The following FBXO11 variants were observed in gnomAD, a reference collection of about 807,000 sequenced individuals.
FBXO11 encodes F-box only protein 11.
In FBXO11, 13 loss-of-function variants were observed where a neutral mutation model predicts 117.0. The ratio of observed to expected loss-of-function variants is 0.11; its 90% CI spans 0.07 to 0.18. The LOEUF (loss-of-function observed/expected upper bound fraction) is 0.18. Ranked by LOEUF, FBXO11 falls within the 10% of genes least tolerant of loss-of-function variation. FBXO11 has a pLI of 1.00. For missense variants in FBXO11, 767 were observed against 1,164.4 expected (o/e 0.66, Z 4.97); for synonymous variants, 490 against 380.5 (o/e 1.29, Z -3.35).
Position 47,834,878 on chromosome 2 carries a change from T to C in FBXO11, c.718-7A>G, listed in dbSNP as rs757782909. On this transcript the variant is annotated splice_polypyrimidine_tract_variant and splice_region_variant and intron_variant, in intron 5 of 22. Transcript: ENST00000403359. Reference sequence around the variant, plus strand: ...TTACATGTGCACCTTTATACTAAAATGTCAAAAACAAAACAAAACCATTGA... The same window carrying C: ...TTACATGTGCACCTTTATACTAAAACGTCAAAAACAAAACAAAACCATTGA... 3 of 1,606,480 alleles carry C rather than the reference T, an allele frequency of 1.9e-6. No individual in the cohort carries two copies. Among genetic ancestry groups the C allele is most frequent in the Non-Finnish European group, 2.6e-6 (3 of 1,176,026 alleles).
chr2:47,839,336 T>G (rs1388865950), intron 3 of FBXO11, 83 bp downstream of exon 3: 21 of 1,264,298 alleles, frequency 1.7e-5, no homozygotes, highest in Non-Finnish European at 2.3e-5. Flanking sequence ...AATACTCGAA[T>G]ACACTTAATT....
At position 47,808,051 on chromosome 2, in the gene FBXO11, C is replaced by A; in HGVS notation, c.*67G>T. ...TGTAGCATGGGCAAATATTTTAAAT[C>A]TTCTTCCAAAAAAGTGTTTTAAGTT... is the stretch of plus-strand genomic sequence containing the variant. On this transcript the variant is annotated 3_prime_UTR_variant, in exon 23 of 23. Transcript: ENST00000403359. 2 of 1,400,438 alleles carry A rather than the reference C, an allele frequency of 1.4e-6. No individual in the cohort carries two copies. The highest frequency in any genetic ancestry group is 2.0e-6 in the Non-Finnish European group (2 of 1,017,858). The allele number at this position is 1,400,438 out of a possible 1,614,324, so 86.8% of individuals were successfully genotyped here.
Position 47,833,067 on chromosome 2 carries a change from G to C in FBXO11, c.938C>G (p.Pro313Arg). 6.2e-7 allele frequency: 1 copy of C among 1,604,766 alleles called. No individual in the cohort carries two copies. Among genetic ancestry groups the C allele is most frequent in the South Asian group, 1.1e-5 (1 of 90,880 alleles). Residue 313 changes from proline to arginine, a missense_variant, in exon 8 of 23, where the codon CCT (proline) becomes CGT (arginine). By Grantham distance (103) the Pro-to-Arg change is moderately radical. Coordinates refer to ENST00000403359, the MANE Select transcript of FBXO11 (RefSeq NM_001190274.2). ...TATAACTTTGTCTGCCACTTTCCCA[G>C]GTGCTGTGGAGAAGATATTTTAAAG... ...ESPITMIGAA[P>R]GKVADKVIIE...
intron 8 of FBXO11, 31 bp from the exon 9 acceptor site, chr2:47,832,911 C>T (rs1672295282): frequency 6.2e-7 from 1 of 1,606,418 alleles, no homozygotes; most frequent in Non-Finnish European, 8.5e-7. Context: ...TTGAAATAAA[C>T]AATTACTGCC....
At chr2:47,854,627 C>T (rs1674128036) in intron 1 of FBXO11, among the ~76,000 whole-genome samples, 1 of 152,060 alleles carries the variant, frequency 6.6e-6, no homozygotes, top group Non-Finnish European at 1.5e-5. Flanking sequence ...CAGCGGTTCT[C>T]AAAGCATAAA....
chr2:47,812,917 T>C, intron 18 of FBXO11: 1 of 301,852 alleles, frequency 3.3e-6, no homozygotes, highest in South Asian at 3.5e-5. Flanking sequence ...CACATCTATT[T>C]CTATAACTTG....
At chr2:47,853,856 C>T (rs757880604) in intron 1 of FBXO11, among the ~76,000 whole-genome samples, 13 of 152,142 alleles carry the variant, frequency 8.5e-5, no homozygotes, top group Non-Finnish European at 1.2e-4. Context: ...AAAAAGTTAT[C>T]CAATTTCATC....
At chr2:47,885,290 GC>G (rs1046537840) in intron 1 of FBXO11, among the ~76,000 whole-genome samples, 4 of 152,158 alleles carry the variant, frequency 2.6e-5, no homozygotes, top group African/African-American at 7.2e-5. Flanking sequence ...ACGGCATATG[GC>G]TCACTCAAGA....
intron 11 of FBXO11, among the ~76,000 whole-genome samples, chr2:47,829,528 C>A (rs1223603710): frequency 6.6e-6 from 1 of 152,148 alleles, no homozygotes; most frequent in Non-Finnish European, 1.5e-5. Context: ...GCATGAGCCA[C>A]CACACCTGGC....
chr2:47,901,195 ATG>A (rs1284949915), intron 1 of FBXO11, among the ~76,000 whole-genome samples: 3 of 147,638 alleles, frequency 2.0e-5, no homozygotes, highest in East Asian at 2.0e-4. Flanking sequence ...GTACATATAT[ATG>A]TGTGTCATAG....
intron 1 of FBXO11, among the ~76,000 whole-genome samples, chr2:47,851,551 T>C (rs1157519114): frequency 6.6e-6 from 1 of 152,078 alleles, no homozygotes; most frequent in Non-Finnish European, 1.5e-5. Context: ...TGTTTGCTAG[T>C]CATTGTGAAT....
In FBXO11 at chr2:47,905,556, C is replaced by T; in HGVS notation, c.165G>A (p.Gln55=). ...GCGGCGGTGGCGGCGGCGGAGGCTG[C>T]TGCTGCTGCTGCTGCTGCGGCGGCG... ...PPPPPQQQQQ[Q]QPPPPPPPPP... is the part of the protein sequence containing the mutation. Residue 55 remains glutamine (Q), a synonymous_variant, in exon 1 of 23, where the codon CAG becomes CAA. Coordinates refer to ENST00000403359, the MANE Select transcript of FBXO11 (RefSeq NM_001190274.2). 2 of 1,244,310 alleles carry T rather than the reference C, an allele frequency of 1.6e-6. No individual in the cohort carries two copies. Among genetic ancestry groups the T allele is most frequent in the Non-Finnish European group, 1.0e-6 (1 of 996,768 alleles). The allele number at this position is 1,244,310 out of a possible 1,614,324, so 77.1% of individuals were successfully genotyped here.
chr2:47,860,217 ATAGT>A (rs1235507380), intron 1 of FBXO11, among the ~76,000 whole-genome samples: 3 of 152,108 alleles, frequency 2.0e-5, no homozygotes, highest in African/African-American at 7.2e-5. Flanking sequence ...TTTATTCCAA[ATAGT>A]TAAACTACTC....
chr2:47,846,702 T>G (rs1451869795), intron 1 of FBXO11, among the ~76,000 whole-genome samples: 1 of 152,090 alleles, frequency 6.6e-6, no homozygotes, highest in Non-Finnish European at 1.5e-5. Context: ...AATAAAACAG[T>G]GAAATTTTAA....
chr2:47,809,335 G>A, intron 20 of FBXO11, 69 bp from the exon 21 acceptor site: 1 of 1,021,092 alleles, frequency 9.8e-7, no homozygotes, highest in Non-Finnish European at 1.4e-6. Flanking sequence ...AAGATTATAG[G>A]ATTATTCTAA....
chr2:47,822,427 T>G (rs1671457819), intron 12 of FBXO11, 124 bp from the exon 13 acceptor site: 1 of 603,070 alleles, frequency 1.7e-6, no homozygotes, highest in Non-Finnish European at 2.9e-6. Context: ...CCTCAATTTC[T>G]TCATTATTTC....
chr2:47,822,067 G>GA (rs1376933792), intron 13 of FBXO11, 151 bp downstream of exon 13: 14 of 609,486 alleles, frequency 2.3e-5, no homozygotes, highest in Non-Finnish European at 4.0e-5. Context: ...GTCTGCACAA[G>GA]AGAGTAAGAC....
chr2:47,888,055 T>C (rs760387485), intron 1 of FBXO11, among the ~76,000 whole-genome samples: 15 of 152,038 alleles, frequency 9.9e-5, no homozygotes, highest in Middle Eastern at 3.4e-3. Flanking sequence ...TATATATATA[T>C]GTATGTATTC....
chr2:47,844,861 T>C (rs959327506), intron 1 of FBXO11, among the ~76,000 whole-genome samples: 1 of 152,108 alleles, frequency 6.6e-6, no homozygotes, highest in Non-Finnish European at 1.5e-5. Flanking sequence ...GGTCTCAAAC[T>C]CCTGAGCTCA....
Sources: gnomAD v4.1 joint callset for allele counts (sites outside exome capture counted in the v4.1 genomes callset) on GRCh38, gnomAD v4.1.1 for gene constraint, MANE v1.5 for transcripts, NCBI Gene and HGNC (gene_info 2026-07-23, HGNC 2026-07-21) for gene names.